Variants in TRIP11 observed in about 807,000 individuals in gnomAD.
TRIP11 encodes the protein thyroid receptor-interacting protein 11.
In TRIP11, 148 loss-of-function variants were observed where a neutral mutation model predicts 223.1. The ratio of observed to expected loss-of-function variants is 0.66; its 90% confidence interval spans 0.58 to 0.76. The LOEUF (loss-of-function observed/expected upper bound fraction) is 0.76, where lower values mean the gene tolerates loss of function less well. Ranked by LOEUF, TRIP11 falls within the 30% of genes least tolerant of loss-of-function variation. TRIP11 has a pLI of 0.00. For missense variants in TRIP11, 2,043 were observed against 2,222.0 expected (o/e 0.92, Z 1.62); for synonymous variants, 762 against 772.6 (o/e 0.99, Z 0.23).
Position 91,978,303 on chromosome 14 carries a change from C to T in TRIP11, c.5261-2114G>A, listed in dbSNP as rs546839729. On this transcript the variant is annotated intron_variant, in intron 16 of 20. Coordinates refer to ENST00000267622, the MANE Select transcript of TRIP11 (RefSeq NM_004239.4). The surrounding 1 kb of genome is among the most constrained non-coding windows in gnomAD (Gnocchi z 4.4). ...GTAAAGATGGGCATGGTCTTCTCCT[C>T]CTTCCTCCTCCATTCCTCCCCAAGG... 6.6e-6 allele frequency among the ~76,000 whole-genome samples: 1 copy of T among 152,118 alleles called. No individual in the cohort carries two copies. Among genetic ancestry groups the T allele is most frequent in the Non-Finnish European group, 1.5e-5 (1 of 68,018 alleles).
chr14:92,027,752 G>C (rs2057208068), intron 2 of TRIP11, among the ~76,000 whole-genome samples: 1 of 152,204 alleles, frequency 6.6e-6, no homozygotes, highest in African/African-American at 2.4e-5. Flanking sequence ...CTTGCTAAAA[G>C]GTGAAGACTT....
At chr14:92,017,270 G>A (rs1042992401) in intron 5 of TRIP11, among the ~76,000 whole-genome samples, 2 of 152,112 alleles carry the variant, frequency 1.3e-5, no homozygotes, top group East Asian at 3.9e-4. Flanking sequence ...GACCAGGCGC[G>A]TTGGCTCATG....
rs1365291693 is a variant in TRIP11, at chr14:92,039,939, C to T, written c.-254G>A. The T allele has an allele frequency of 1.6e-6, 1 of 624,102 alleles. No homozygotes were observed. Among genetic ancestry groups the T allele is most frequent in the East Asian group, 3.0e-5 (1 of 33,700 alleles). The allele number at this position is 624,102 out of a possible 1,614,324, so 38.7% of individuals were successfully genotyped here. A position where few individuals can be genotyped will look rare whatever the true frequency, so the allele number is the denominator to read the frequency against. ...GGCCTTCTGCTCATTCCCACGAATT[C>T]CCACCGTCCAGATTGGGCCACTTCT... On this transcript the variant is annotated 5_prime_UTR_variant, in exon 1 of 21. Coordinates refer to ENST00000267622, the MANE Select transcript of TRIP11 (RefSeq NM_004239.4).
At chr14:91,974,185 T>A (rs556284631) in intron 19 of TRIP11, among the ~76,000 whole-genome samples, 1 of 152,352 alleles carries the variant, frequency 6.6e-6, no homozygotes, top group South Asian at 2.1e-4. Context: ...CTAAGTTTTA[T>A]GAGGGCAGGC....
chr14:92,004,486 G>C lies in TRIP11; in HGVS notation c.3490C>G (p.Arg1164Gly). Residue 1164 changes from arginine (R) to glycine (G), a missense_variant, in exon 11 of 21, where the codon CGT becomes GGT. By Grantham distance (125) the Arg-to-Gly change is moderately radical. Transcript: ENST00000267622. The part of the protein sequence containing the change: ...MFRETIQNLS[R>G]IIREKDIEID... ...TCGATGTCTTTTTCTCGAATGATACGTGATAAATTCTGAATAGTTTCTCTA... is the reference window on the plus strand; with the variant it reads ...TCGATGTCTTTTTCTCGAATGATACCTGATAAATTCTGAATAGTTTCTCTA... The C allele has an allele frequency of 6.2e-7, 1 of 1,613,306 alleles. No homozygotes were observed. Among genetic ancestry groups the C allele is most frequent in the Non-Finnish European group, 8.5e-7 (1 of 1,180,010 alleles).
rs2273187 is a variant in TRIP11, at chr14:92,008,086, C to T, written c.1315-234G>A. Among the ~76,000 whole-genome samples the T allele has an allele frequency of 0.011, 1,734 of 152,230 alleles. 30 individuals carry two copies. Among genetic ancestry groups the T allele is most frequent in the South Asian group, 0.036 (174 of 4,820 alleles). On this transcript the variant is annotated intron_variant, in intron 9 of 20. Transcript: ENST00000267622. ...TTTCTATAACCCTAGACAGATGCAG[C>T]GACTGTAAGTTTGTCCTCTAGCACC...
chr14:91,991,318 G>C (rs2056669110), intron 15 of TRIP11, among the ~76,000 whole-genome samples: 1 of 152,066 alleles, frequency 6.6e-6, no homozygotes, highest in Admixed American at 6.6e-5. Context: ...CCTTAATCTT[G>C]GATTTCCCAG....
intron 7 of TRIP11, among the ~76,000 whole-genome samples, chr14:92,013,274 C>G (rs1234685001): frequency 6.6e-6 from 1 of 151,472 alleles, no homozygotes; most frequent in Non-Finnish European, 1.5e-5. Flanking sequence ...CTCAAAAAAA[C>G]AAACAAAAAA....
At chr14:91,997,208 C>A (rs1252329515) in intron 13 of TRIP11, among the ~76,000 whole-genome samples, 1 of 152,130 alleles carries the variant, frequency 6.6e-6, no homozygotes, top group South Asian at 2.1e-4. Flanking sequence ...TTAATAAATA[C>A]CAGGTGTTAC....
chr14:92,025,184 C>A, intron 3 of TRIP11, 126 bp downstream of exon 3: 1 of 741,234 alleles, frequency 1.3e-6, no homozygotes, highest in South Asian at 1.7e-5. Flanking sequence ...AGTCGAAAAT[C>A]ATTAAATTCA....
rs1173542867 is a variant in TRIP11 at position 92,004,368 on chromosome 14, T to C, written c.3608A>G (p.Gln1203Arg). 1 of 1,614,086 alleles carries C rather than the reference T, an allele frequency of 6.2e-7. No individual in the cohort carries two copies. The highest frequency in any genetic ancestry group is 8.5e-7 in the Non-Finnish European group (1 of 1,180,016). The change falls in exon 11 of 21, where the codon CAA (glutamine) becomes CGA (arginine). Residue 1203 changes from glutamine to arginine, a missense_variant. Transcript: ENST00000267622. ...ACGTTCCTGTAGAAGCTCCTCAAAT[T>C]GATTACTATTAACACCTCCAGCCTC... ...GNEAGGVNSNQFEELLQERDK... is the reference protein window; with the variant it reads ...GNEAGGVNSNRFEELLQERDK...
chr14:91,989,556 C>G (rs913070792), intron 15 of TRIP11, among the ~76,000 whole-genome samples: 21 of 150,122 alleles, frequency 1.4e-4, no homozygotes, highest in Admixed American at 1.3e-3. Context: ...TGCATTATTT[C>G]TCATAATTTT....
rs762917045 is a variant in TRIP11, at chr14:92,005,120, G to A, written c.2856C>T (p.Ala952=). The A allele has an allele frequency of 6.2e-7, 1 of 1,613,522 alleles. No individual in the cohort carries two copies. The highest frequency in any genetic ancestry group is 8.5e-7 in the Non-Finnish European group (1 of 1,180,024). Reference sequence around the variant, plus strand: ...TCTCTAAAAAGAGCTGGGTGTGTGTGGCGTTCATTTGCTCATGCTGGTATC... The same window carrying A: ...TCTCTAAAAAGAGCTGGGTGTGTGTAGCGTTCATTTGCTCATGCTGGTATC... ...EFRYQHEQMN[A]THTQLFLEKD... Residue 952 remains alanine, a synonymous_variant, in exon 11 of 21, where the codon GCC becomes GCT. Transcript: ENST00000267622.
chr14:91,988,283 CTTTGTCT>C lies in TRIP11; in HGVS notation c.5254_5260del (p.Arg1752MetfsTer15), dbSNP rs781744004. On this transcript the variant is annotated frameshift_variant and splice_region_variant, in exon 16 of 21. Coordinates refer to ENST00000267622, the MANE Select transcript of TRIP11 (RefSeq NM_004239.4). LOFTEE classifies it high-confidence loss of function. ...GGAAAAATGAAAAGAAAAAAACCTACTTTGTCTTTTAAGTTCTTCAATTTGTTCTTCT... is the reference window on the plus strand; with the variant it reads ...GGAAAAATGAAAAGAAAAAAACCTACTTTAAGTTCTTCAATTTGTTCTTCT... 2 of 1,606,996 alleles carry C rather than the reference CTTTGTCT, an allele frequency of 1.2e-6. No homozygotes were observed. The highest frequency in any genetic ancestry group is 1.7e-6 in the Non-Finnish European group (2 of 1,175,612).
chr14:91,971,459 C>A (rs2056399527), intron 20 of TRIP11, among the ~76,000 whole-genome samples: 1 of 151,878 alleles, frequency 6.6e-6, no homozygotes, highest in Admixed American at 6.6e-5. Context: ...GCTTTTGTAT[C>A]CTATCAATAC....
intron 16 of TRIP11, among the ~76,000 whole-genome samples, chr14:91,987,136 ACACT>A (rs2056613581): frequency 6.6e-6 from 1 of 152,206 alleles, no homozygotes; most frequent in Non-Finnish European, 1.5e-5. Flanking sequence ...TCCATAATAG[ACACT>A]CAATACATAA....
intron 2 of TRIP11, among the ~76,000 whole-genome samples, chr14:92,030,131 A>G (rs980566149): frequency 2.0e-4 from 28 of 140,150 alleles, no homozygotes; most frequent in African/African-American, 7.1e-4. Flanking sequence ...CGGGAGGCGG[A>G]GCTTGCAGTG....
intron 7 of TRIP11, 82 bp from the exon 8 acceptor site, chr14:92,011,877 C>T: frequency 7.6e-7 from 1 of 1,319,548 alleles, no homozygotes; most frequent in Non-Finnish European, 1.1e-6. Flanking sequence ...GAAATGCAAC[C>T]CAATTAAAGT....
intron 16 of TRIP11, among the ~76,000 whole-genome samples, chr14:91,979,355 A>G (rs1368129019): frequency 1.3e-5 from 2 of 152,052 alleles, no homozygotes; most frequent in Non-Finnish European, 2.9e-5. Flanking sequence ...TAAAAATTTT[A>G]GTAAAATAAA....
Sources: allele counts gnomAD v4.1 joint callset (sites outside exome capture counted in the v4.1 genomes callset), GRCh38; gene constraint gnomAD v4.1.1; non-coding constraint Gnocchi (gnomAD v3.1); transcripts MANE v1.5; gene names NCBI Gene and HGNC (gene_info 2026-07-23, HGNC 2026-07-21).